The following SHROOM2 variants were observed in gnomAD, a reference collection of about 807,000 sequenced individuals.
SHROOM2 encodes the protein protein Shroom2.
SHROOM2 carries 33 observed loss-of-function variants against 75.9 expected under a neutral mutation model. The ratio of observed to expected loss-of-function variants is 0.43; its 90% confidence interval spans 0.33 to 0.58. The LOEUF (loss-of-function observed/expected upper bound fraction) is 0.58, where lower values mean the gene tolerates loss of function less well. Ranked by LOEUF, SHROOM2 falls within the 20% of genes least tolerant of loss-of-function variation. The pLI is 0.04. For missense variants in SHROOM2, 1,434 were observed against 1,461.2 expected (o/e 0.98, Z 0.30); for synonymous variants, 655 against 663.6 (o/e 0.99, Z 0.20).
At chrX:9,837,550 G>A (rs1338792288) in intron 1 of SHROOM2, among the ~76,000 whole-genome samples, 2 of 112,476 alleles carry the variant, frequency 1.8e-5, no homozygotes, top group East Asian at 2.8e-4. Context: ...AAGGAACATA[G>A]GGGACCAGCC....
intron 1 of SHROOM2, among the ~76,000 whole-genome samples, chrX:9,825,317 G>C (rs905405329): frequency 8.9e-6 from 1 of 112,235 alleles, no homozygotes; most frequent in Non-Finnish European, 1.9e-5. Context: ...CCCTAGTAGA[G>C]GCCCTGTTTA....
At chrX:9,807,445 C>A (rs776473976) in intron 1 of SHROOM2, among the ~76,000 whole-genome samples, 1 of 111,911 alleles carries the variant, frequency 8.9e-6, no homozygotes, top group Non-Finnish European at 1.9e-5. Context: ...AGGCCGGCAG[C>A]CCTGGGAGAC....
chrX:9,899,089 G>A lies in SHROOM2; in HGVS notation c.2891+799G>A, dbSNP rs761252675. On this transcript the variant is annotated intron_variant, in intron 5 of 9. Transcript: ENST00000380913. Reference sequence around the variant, plus strand: ...TGAGATCCCATCTCTACTAAAAATAGAAAAAAAAAAATTAGCCAGGTGTGG... The same window carrying A: ...TGAGATCCCATCTCTACTAAAAATAAAAAAAAAAAAATTAGCCAGGTGTGG... Among the ~76,000 whole-genome samples, 307 of 102,983 alleles carry A rather than the reference G, an allele frequency of 3.0e-3. 1 individual carries two copies. The highest frequency in any genetic ancestry group is 5.5e-3 in the Non-Finnish European group (278 of 50,226). The allele number at this position is 102,983 out of a possible 115,157, so 89.4% of individuals were successfully genotyped here.
Position 9,846,647 on chromosome X carries a change from C to G in SHROOM2, c.166-27005C>G, listed in dbSNP as rs4393066. On this transcript the variant is annotated intron_variant, in intron 1 of 9. Coordinates refer to ENST00000380913, the MANE Select transcript of SHROOM2 (RefSeq NM_001649.4). ...GTCTTGATATGTTGCCCAGGCCGCT[C>G]TCGAACTCCTGACCTCAGGCATGAG... is the stretch of plus-strand genomic sequence containing the variant. Among the ~76,000 whole-genome samples the G allele has an allele frequency of 4.7e-3, 522 of 112,079 alleles. 8 individuals are homozygous for G. The highest frequency in any genetic ancestry group is 0.04 in the Admixed American group (419 of 10,560).
chrX:9,851,979 A>T (rs2084043463), intron 1 of SHROOM2, among the ~76,000 whole-genome samples: 1 of 112,154 alleles, frequency 8.9e-6, no homozygotes, highest in Admixed American at 9.5e-5. Context: ...TCTAGTTTTG[A>T]ATTAACAGGA....
Position 9,873,694 on chromosome X carries a change from G to T in SHROOM2, c.208G>T (p.Ala70Ser), listed in dbSNP as rs149096987. The change falls in exon 2 of 10, where the codon GCT becomes TCT. Residue 70 changes from alanine (A) to serine (S), a missense_variant. Transcript: ENST00000380913. Reference protein sequence around the residue: ...SKAAAVDKLLAGDEIVGINDI... With the variant: ...SKAAAVDKLLSGDEIVGINDI... ...AGCCGCGGCGGTCGACAAGTTACTG[G>T]CTGGAGATGAGATCGTCGGCATCAA... is the stretch of plus-strand genomic sequence containing the variant. 159 of 1,209,919 alleles carry T rather than the reference G, an allele frequency of 1.3e-4. No individual in the cohort carries two copies. Among genetic ancestry groups the T allele is most frequent in the Non-Finnish European group, 7.8e-5 (70 of 895,029 alleles).
chrX:9,860,631 C>G (rs1343470517), intron 1 of SHROOM2, among the ~76,000 whole-genome samples: 1 of 111,407 alleles, frequency 9.0e-6, no homozygotes, highest in African/African-American at 3.3e-5. Flanking sequence ...ACCATGTTGC[C>G]CAAGCTGGTC....
intron 8 of SHROOM2, among the ~76,000 whole-genome samples, chrX:9,940,495 T>C (rs1602027139): frequency 1.8e-5 from 2 of 111,927 alleles, no homozygotes; most frequent in East Asian, 2.8e-4. Flanking sequence ...AGTGAGTCAC[T>C]GTGGGCTGGA....
At position 9,895,876 on chromosome X, in the gene SHROOM2, G is replaced by A. The variant is rs2084326316; in HGVS notation, c.1968G>A (p.Ala656=). 7.5e-6 allele frequency: 9 copies of A among 1,202,555 alleles called. No individual in the cohort carries two copies. Among genetic ancestry groups the A allele is most frequent in the African/African-American group, 1.7e-5 (1 of 57,590 alleles). The change falls in exon 4 of 10, where the codon GCG becomes GCA. Residue 656 remains alanine, a synonymous_variant. Coordinates refer to ENST00000380913, the MANE Select transcript of SHROOM2 (RefSeq NM_001649.4). ...TGGCTCTGACTGCAGCAGGGGAGGC[G>A]GAGGATGGCACCGGCCGCTGGAGGG... is the stretch of plus-strand genomic sequence containing the variant. ...STVALTAAGE[A]EDGTGRWRAG... is the part of the protein sequence containing the mutation.
At chrX:9,811,407 C>T (rs917440072) in intron 1 of SHROOM2, among the ~76,000 whole-genome samples, 6 of 112,007 alleles carry the variant, frequency 5.4e-5, no homozygotes, top group Admixed American at 1.9e-4. Context: ...GTCATCCTAT[C>T]CAGTTGATTA....
intron 2 of SHROOM2, among the ~76,000 whole-genome samples, chrX:9,878,619 A>T (rs1234391477): frequency 8.9e-6 from 1 of 112,089 alleles, no homozygotes; most frequent in Non-Finnish European, 1.9e-5. Flanking sequence ...GTCCTGGAGC[A>T]GGTGGCCCTG....
rs1178300256 is a variant in SHROOM2 at position 9,937,338 on chromosome X, G to A, written c.3792G>A (p.Thr1264=). Residue 1264 remains threonine (T), a synonymous_variant, in exon 7 of 10, where the codon ACG becomes ACA. Coordinates refer to ENST00000380913, the MANE Select transcript of SHROOM2 (RefSeq NM_001649.4). ...EQFYSRFCLY[T]RQGAEPEAPH... ...TCTACTCGCGCTTCTGTCTGTACAC[G>A]CGGCAGGGTGCTGAGCCCGAGGCCC... The A allele has an allele frequency of 1.4e-5, 17 of 1,203,037 alleles. No homozygotes were observed. Among genetic ancestry groups the A allele is most frequent in the East Asian group, 6.0e-5 (2 of 33,417 alleles).
chrX:9,884,909 G>A (rs1298415208), intron 2 of SHROOM2, among the ~76,000 whole-genome samples: 1 of 111,184 alleles, frequency 9.0e-6, no homozygotes, highest in Non-Finnish European at 1.9e-5. Flanking sequence ...TTATGTTTTG[G>A]AAGAATGATA....
At chrX:9,943,637 C>T (rs1039108021) in intron 8 of SHROOM2, among the ~76,000 whole-genome samples, 39 of 111,619 alleles carry the variant, frequency 3.5e-4, no homozygotes, top group African/African-American at 1.2e-3. Context: ...ACAGGTGCAT[C>T]GCAGCATGAA....
intron 2 of SHROOM2, among the ~76,000 whole-genome samples, chrX:9,885,359 C>A (rs1345141104): frequency 1.8e-5 from 2 of 109,918 alleles, no homozygotes; most frequent in African/African-American, 6.7e-5. Context: ...GGCGCCAGAG[C>A]ACTCTGTCCC....
At chrX:9,941,839 C>T (rs60810518) in intron 8 of SHROOM2, among the ~76,000 whole-genome samples, 4,277 of 108,145 alleles carry the variant, frequency 0.04, 205 homozygotes, top group African/African-American at 0.13. Context: ...GGCGTGGTGG[C>T]GGGCGCCTGT....
At chrX:9,922,574 C>T (rs2084556419) in intron 5 of SHROOM2, among the ~76,000 whole-genome samples, 2 of 110,458 alleles carry the variant, frequency 1.8e-5, no homozygotes, top group Admixed American at 1.9e-4. Flanking sequence ...GGGACCCATT[C>T]TCACTGCTGT....
Position 9,891,103 on chromosome X carries a change from C to T in SHROOM2, c.444C>T (p.His148=), listed in dbSNP as rs1213470409. The T allele has an allele frequency of 5.8e-6, 7 of 1,203,687 alleles. No individual in the cohort carries two copies. The highest frequency in any genetic ancestry group is 2.3e-4 in the Middle Eastern group (1 of 4,365). The change falls in exon 3 of 10, where the codon CAC becomes CAT. Residue 148 remains histidine (H), a synonymous_variant. Transcript: ENST00000380913. ...SGCPSWSGRH[H]ASSSSHDLSS... is the part of the protein sequence containing the mutation. Reference sequence around the variant, plus strand: ...GTCCTTCCTGGTCCGGCCGACACCACGCGAGGTAGGCACCCATTCCCGTCC... The same window carrying T: ...GTCCTTCCTGGTCCGGCCGACACCATGCGAGGTAGGCACCCATTCCCGTCC...
At chrX:9,869,709 C>G (rs759051834) in intron 1 of SHROOM2, among the ~76,000 whole-genome samples, 2 of 112,066 alleles carry the variant, frequency 1.8e-5, no homozygotes, top group South Asian at 7.3e-4. Flanking sequence ...TTTTATTTAT[C>G]CATTCACCTG....
Sources: allele counts gnomAD v4.1 joint callset (sites outside exome capture counted in the v4.1 genomes callset), GRCh38; gene constraint gnomAD v4.1.1; transcripts MANE v1.5; gene names NCBI Gene and HGNC (gene_info 2026-07-23, HGNC 2026-07-21).